Variants in ABI3BP observed in about 807,000 individuals in gnomAD.
The protein encoded by ABI3BP is ABI family member 3 binding protein.
ABI3BP carries 216 observed loss-of-function variants against 268.6 expected under a neutral mutation model. The observed-to-expected ratio is 0.80, with a 90% confidence interval of 0.72 to 0.90. The LOEUF (loss-of-function observed/expected upper bound fraction) is 0.90. Among genes scored for constraint, ABI3BP ranks in the 40% least tolerant of loss-of-function variants. The pLI is 0.00. For synonymous variants in ABI3BP, 730 were observed against 730.0 expected (o/e 1.00, Z 0.00); for missense variants, 2,090 against 2,182.4 (o/e 0.96, Z 0.84).
Position 100,750,574 on chromosome 3 carries a change from A to G in ABI3BP, c.5282T>C (p.Phe1761Ser). The G allele has an allele frequency of 1.2e-6, 2 of 1,613,114 alleles. No homozygotes were observed. Among genetic ancestry groups the G allele is most frequent in the East Asian group, 2.2e-5 (1 of 44,852 alleles). ...TTGGGTGTGACCACCTATTTCTCCA[A>G]ATTGGACAGGTTCCTGGCGAACTGC... is the stretch of plus-strand genomic sequence containing the variant. The part of the protein sequence containing the change: ...FRAVRQEPVQ[F>S]GEIGGHTQIN... Residue 1761 changes from phenylalanine to serine, a missense_variant, in exon 68 of 68, where the codon TTT becomes TCT. By Grantham distance (155) the Phe-to-Ser change is radical. Transcript: ENST00000471714.
Position 100,979,587 on chromosome 3 carries a change from C to T in ABI3BP, c.79+13719G>A, listed in dbSNP as rs115908164. ...TGTGGTCCCTTTGTGGCCTATCAAC[C>T]TCCAACCATGAAAAGGAATGTTTGA... is the stretch of plus-strand genomic sequence containing the variant. On this transcript the variant is annotated intron_variant, in intron 1 of 67. Coordinates refer to ENST00000471714, the MANE Select transcript of ABI3BP (RefSeq NM_001375547.2). 2.4e-3 allele frequency among the ~76,000 whole-genome samples: 366 copies of T among 152,248 alleles called. 1 individual carries two copies. The highest frequency in any genetic ancestry group is 8.4e-3 in the African/African-American group (350 of 41,554).
intron 1 of ABI3BP, among the ~76,000 whole-genome samples, chr3:100,929,043 G>T (rs1381987337): frequency 6.6e-6 from 1 of 152,034 alleles, no homozygotes; most frequent in Non-Finnish European, 1.5e-5. Context: ...CAATAGAATG[G>T]AACCAATGTA....
chr3:100,843,109 A>T (rs2098725248), intron 20 of ABI3BP, among the ~76,000 whole-genome samples: 1 of 152,196 alleles, frequency 6.6e-6, no homozygotes, highest in Non-Finnish European at 1.5e-5. Context: ...ACTTCAATGG[A>T]AAAATATAAT....
Position 100,911,176 on chromosome 3 carries a change from C to A in ABI3BP, c.260-8490G>T. The A allele has an allele frequency of 7.6e-6, 3 of 396,840 alleles. No homozygotes were observed. In the South Asian group the frequency reaches 8.7e-5, roughly 12 times the overall value. The allele number at this position is 396,840 out of a possible 1,614,324, so 24.6% of individuals were successfully genotyped here. ...GGCTTTATGCTTAATCATTTGTGGT[C>A]TACTAGCTGGACTAGCTTCAGGAAT... On this transcript the variant is annotated intron_variant, in intron 2 of 67. Coordinates refer to ENST00000471714, the MANE Select transcript of ABI3BP (RefSeq NM_001375547.2).
rs1577928921 is a variant in ABI3BP, at chr3:100,793,510, A to C, written c.3947-742T>G. Among the ~76,000 whole-genome samples the C allele has an allele frequency of 5.9e-5, 9 of 152,180 alleles. 1 individual carries two copies. The South Asian group carries it at 1.9e-3, about 31-fold the overall frequency. On this transcript the variant is annotated intron_variant, in intron 54 of 67. Transcript: ENST00000471714. Reference sequence around the variant, plus strand: ...GGTTCTGATGTGAATAAACCAAGACACATTAGAAAAATAGGGAGTAGAAGT... The same window carrying C: ...GGTTCTGATGTGAATAAACCAAGACCCATTAGAAAAATAGGGAGTAGAAGT...
At chr3:100,763,504 C>G (rs1189526471) in intron 63 of ABI3BP, among the ~76,000 whole-genome samples, 1 of 151,768 alleles carries the variant, frequency 6.6e-6, no homozygotes, top group Non-Finnish European at 1.5e-5. Flanking sequence ...TAGACAGGCA[C>G]TCCTCTGGGC....
At chr3:100,833,234 G>A (rs1338539060) in intron 29 of ABI3BP, 77 bp from the exon 30 acceptor site, 1 of 1,369,782 alleles carries the variant, frequency 7.3e-7, no homozygotes, top group Admixed American at 2.0e-5. Context: ...TCATTCTCTT[G>A]AAAAGTGAAC....
chr3:100,759,172 G>A (rs2095807646), intron 63 of ABI3BP, among the ~76,000 whole-genome samples: 1 of 152,102 alleles, frequency 6.6e-6, no homozygotes, highest in Non-Finnish European at 1.5e-5. Flanking sequence ...ATAGCTGTTG[G>A]TTTGAGTTGT....
At chr3:100,792,824 C>G (rs1212599969) in intron 54 of ABI3BP, 56 bp from the exon 55 acceptor site, 1 of 1,420,406 alleles carries the variant, frequency 7.0e-7, no homozygotes. Flanking sequence ...ATGAATATGA[C>G]CAAAAAAACC....
chr3:100,884,588 C>T (rs1418787010), intron 6 of ABI3BP, among the ~76,000 whole-genome samples: 2 of 151,974 alleles, frequency 1.3e-5, no homozygotes, highest in East Asian at 1.9e-4. Flanking sequence ...GACTGGGCCA[C>T]ATGATCCATG....
At chr3:100,829,322 C>T (rs1403695922) in intron 33 of ABI3BP, among the ~76,000 whole-genome samples, 2 of 152,150 alleles carry the variant, frequency 1.3e-5, no homozygotes, top group South Asian at 2.1e-4. Context: ...CTTGCATGAA[C>T]ATATGTTCCT....
chr3:100,837,306 G>T (rs2098609296), intron 26 of ABI3BP, 135 bp from the exon 27 acceptor site: 1 of 580,490 alleles, frequency 1.7e-6, no homozygotes, highest in Non-Finnish European at 2.8e-6. Context: ...TTCTTGATAG[G>T]CTTATTTATT....
chr3:100,811,298 A>G (rs985510750), intron 47 of ABI3BP, 21 bp from the exon 48 acceptor site: 2 of 1,516,200 alleles, frequency 1.3e-6, no homozygotes, highest in African/African-American at 2.8e-5. Context: ...ACAAAGGAGA[A>G]AAATTTTAGA....
intron 52 of ABI3BP, 35 bp from the exon 53 acceptor site, chr3:100,795,886 G>A: frequency 1.6e-6 from 2 of 1,268,476 alleles, no homozygotes; most frequent in South Asian, 1.3e-5. Context: ...ACATATTTAT[G>A]AGAATTACTA....
At chr3:100,816,247 T>C in intron 43 of ABI3BP, 1 of 472,224 alleles carries the variant, frequency 2.1e-6, no homozygotes. Flanking sequence ...GTATGGATAT[T>C]TGGCTTTGGA....
Position 100,815,978 on chromosome 3 carries a change from A to T in ABI3BP, c.3230-7T>A. ...TCAAAGCCTGTAACAGAAACTAACC[A>T]AAAGCAACAACATGAATACAAGAAA... On this transcript the variant is annotated splice_polypyrimidine_tract_variant and splice_region_variant and intron_variant, in intron 43 of 67. Coordinates refer to ENST00000471714, the MANE Select transcript of ABI3BP (RefSeq NM_001375547.2). 1 of 1,510,864 alleles carries T rather than the reference A, an allele frequency of 6.6e-7. No homozygotes were observed. The highest frequency in any genetic ancestry group is 8.8e-7 in the Non-Finnish European group (1 of 1,137,574). The allele number at this position is 1,510,864 out of a possible 1,614,324, so 93.6% of individuals were successfully genotyped here. A position where few individuals can be genotyped will look rare whatever the true frequency, so the allele number is the denominator to read the frequency against.
chr3:100,778,481 G>C, intron 58 of ABI3BP, 105 bp from the exon 59 acceptor site: 1 of 931,236 alleles, frequency 1.1e-6, no homozygotes, highest in South Asian at 1.7e-5. Flanking sequence ...TTGATAATTA[G>C]CAGTTGGATG....
intron 20 of ABI3BP, among the ~76,000 whole-genome samples, chr3:100,842,695 T>C (rs1452899549): frequency 6.6e-6 from 1 of 152,156 alleles, no homozygotes; most frequent in African/African-American, 2.4e-5. Context: ...TGATAAACTT[T>C]CCAATGTTTA....
intron 14 of ABI3BP, among the ~76,000 whole-genome samples, chr3:100,853,795 T>A (rs1315136493): frequency 6.6e-6 from 1 of 152,234 alleles, no homozygotes; most frequent in South Asian, 2.1e-4. Flanking sequence ...TTGGCAACTG[T>A]GGCTCAAATC....
Sources: allele counts gnomAD v4.1 joint callset (sites outside exome capture counted in the v4.1 genomes callset), GRCh38; gene constraint gnomAD v4.1.1; transcripts MANE v1.5; gene names NCBI Gene and HGNC (gene_info 2026-07-23, HGNC 2026-07-21).